HMGCLL1: variants seen among roughly 807,000 people sequenced by gnomAD.
HMGCLL1 encodes 3-hydroxy-3-methylglutaryl-CoA lyase like 1.
A neutral mutation model predicts 39.1 loss-of-function variants in HMGCLL1; 36 were observed. The ratio of observed to expected loss-of-function variants is 0.92; its 90% CI spans 0.71 to 1.22. The LOEUF is 1.22. HMGCLL1 is among the 50% of genes most tolerant of loss of function. The pLI is 0.00. For synonymous variants in HMGCLL1, 149 were observed against 144.0 expected (o/e 1.03, Z -0.25); for missense variants, 451 against 416.5 (o/e 1.08, Z -0.72).
At chr6:55,516,364 C>T in intron 4 of HMGCLL1, 144 bp downstream of exon 4, 2 of 461,340 alleles carry the variant, frequency 4.3e-6, no homozygotes, top group South Asian at 6.8e-5. Flanking sequence ...GCTGTGAGGA[C>T]TTGGAGCTCT....
Position 55,435,742 on chromosome 6 carries a change from T to A in HMGCLL1, c.943A>T (p.Met315Leu), listed in dbSNP as rs201246283. 98 of 1,599,380 alleles carry A rather than the reference T, an allele frequency of 6.1e-5. No homozygotes were observed. Among genetic ancestry groups the A allele is most frequent in the Admixed American group, 3.1e-4 (18 of 58,992 alleles). Reference protein sequence around the residue: ...LNTGVNLYKVMEAGDFICKAV... With the variant: ...LNTGVNLYKVLEAGDFICKAV... ...TTGCAAATAAAGTCACCAGCTTCCA[T>A]CACTTTGTATAGATTCACACCCTGG... The change falls in exon 9 of 9, where the codon ATG (methionine) becomes TTG (leucine). Residue 315 changes from methionine to leucine, a missense_variant. Transcript: ENST00000274901.
At chr6:55,587,137 A>G in the HMGCLL1 span, among the ~76,000 whole-genome samples, 5 of 152,118 alleles carry the variant, frequency 3.3e-5, no homozygotes, top group Non-Finnish European at 7.3e-5. Flanking sequence ...CATTTCTCTG[A>G]TGGCCAGTCA....
chr6:55,624,064 A>C, the HMGCLL1 span, among the ~76,000 whole-genome samples: 2 of 152,104 alleles, frequency 1.3e-5, no homozygotes, highest in African/African-American at 4.8e-5. Context: ...AGTCTCCGAA[A>C]TGTCTGATCA....
At chr6:55,570,558 A>G (rs1475588208) in intron 1 of HMGCLL1, among the ~76,000 whole-genome samples, 1 of 152,158 alleles carries the variant, frequency 6.6e-6, no homozygotes, top group East Asian at 1.9e-4. Flanking sequence ...TATCCTTCAT[A>G]TATCAAGGCC....
chr6:55,612,056 C>G, the HMGCLL1 span, among the ~76,000 whole-genome samples: 1 of 152,118 alleles, frequency 6.6e-6, no homozygotes, highest in Admixed American at 6.5e-5. Context: ...ACCCCATCGT[C>G]TCAGGCCAAA....
chr6:55,649,932 T>A, the HMGCLL1 span, among the ~76,000 whole-genome samples: 1 of 150,898 alleles, frequency 6.6e-6, no homozygotes, highest in Admixed American at 6.6e-5. Flanking sequence ...TCTGCTTGAT[T>A]GTTTTTAATT....
the HMGCLL1 span, among the ~76,000 whole-genome samples, chr6:55,651,028 T>C: frequency 6.6e-6 from 1 of 152,064 alleles, no homozygotes; most frequent in African/African-American, 2.4e-5. Context: ...CTTGTTGGTC[T>C]ATCCTGCTGT....
intron 7 of HMGCLL1, among the ~76,000 whole-genome samples, chr6:55,475,655 A>G (rs189442937): frequency 4.3e-3 from 649 of 151,824 alleles, no homozygotes; most frequent in Non-Finnish European, 6.2e-3. Context: ...TCCTAATTGT[A>G]ATATAGCCTG....
chr6:55,660,002 CA>C, the HMGCLL1 span, among the ~76,000 whole-genome samples: 1 of 151,678 alleles, frequency 6.6e-6, no homozygotes, highest in Non-Finnish European at 1.5e-5. Context: ...TAGAGGTGTC[CA>C]GTGGGATACT....
chr6:55,652,360 T>A, the HMGCLL1 span, among the ~76,000 whole-genome samples: 1 of 152,046 alleles, frequency 6.6e-6, no homozygotes, highest in Non-Finnish European at 1.5e-5. Context: ...CTGGTAGACA[T>A]CTGTAGGTAA....
At chr6:55,671,970 A>AT in the HMGCLL1 span, among the ~76,000 whole-genome samples, 1 of 151,754 alleles carries the variant, frequency 6.6e-6, no homozygotes, top group African/African-American at 2.4e-5. Flanking sequence ...TTTAGTGGAT[A>AT]TGTATTTGTG....
At chr6:55,603,294 TC>T in the HMGCLL1 span, among the ~76,000 whole-genome samples, 1 of 152,244 alleles carries the variant, frequency 6.6e-6, no homozygotes, top group South Asian at 2.1e-4. Context: ...TCTAACTCAT[TC>T]TTACTTGATA....
At chr6:55,453,883 G>T (rs758799216) in intron 7 of HMGCLL1, among the ~76,000 whole-genome samples, 5 of 152,102 alleles carry the variant, frequency 3.3e-5, no homozygotes, top group Non-Finnish European at 7.4e-5. Context: ...GAGATCTCTC[G>T]CTTAACAACA....
intron 7 of HMGCLL1, among the ~76,000 whole-genome samples, chr6:55,480,362 T>C (rs1400525620): frequency 6.6e-6 from 1 of 151,502 alleles, no homozygotes; most frequent in African/African-American, 2.4e-5. Context: ...CAAACAAGCA[T>C]ATGAAAAGGT....
intron 1 of HMGCLL1, among the ~76,000 whole-genome samples, chr6:55,556,883 T>A (rs1770706651): frequency 6.6e-6 from 1 of 152,174 alleles, no homozygotes; most frequent in Non-Finnish European, 1.5e-5. Flanking sequence ...CCTTACATCT[T>A]GATTTCTCCT....
intron 7 of HMGCLL1, among the ~76,000 whole-genome samples, chr6:55,478,243 C>T (rs1765562592): frequency 6.6e-6 from 1 of 151,072 alleles, no homozygotes; most frequent in South Asian, 2.1e-4. Context: ...ATTCCCTCTA[C>T]CTTCTCACCT....
chr6:55,522,365 T>C (rs1009642381), intron 3 of HMGCLL1, among the ~76,000 whole-genome samples: 1 of 151,934 alleles, frequency 6.6e-6, no homozygotes, highest in East Asian at 1.9e-4. Flanking sequence ...AAGGTAAAAA[T>C]ACCTATCACC....
At chr6:55,625,319 GAAGTGGTGTAT>G in the HMGCLL1 span, among the ~76,000 whole-genome samples, 4 of 152,092 alleles carry the variant, frequency 2.6e-5, no homozygotes, top group African/African-American at 9.7e-5. Context: ...TCATCGAATG[GAAGTGGTGTAT>G]AAGTGACCGG....
At chr6:55,643,048 G>A in the HMGCLL1 span, among the ~76,000 whole-genome samples, 6 of 152,050 alleles carry the variant, frequency 3.9e-5, no homozygotes, top group African/African-American at 1.4e-4. Context: ...TCATTGATGG[G>A]CAGTTAGGTT....
Sources: gnomAD v4.1 joint callset for allele counts (sites outside exome capture counted in the v4.1 genomes callset) on GRCh38, gnomAD v4.1.1 for gene constraint, MANE v1.5 for transcripts, NCBI Gene and HGNC (gene_info 2026-07-23, HGNC 2026-07-21) for gene names.